The following MYRIP variants were observed in gnomAD, a reference collection of about 807,000 sequenced individuals.
MYRIP encodes myosin VIIA and Rab interacting protein, also known as rab effector MyRIP.
A neutral mutation model predicts 98.0 loss-of-function variants in MYRIP; 49 were observed. The ratio of observed to expected loss-of-function variants is 0.50; its 90% confidence interval spans 0.40 to 0.63. The LOEUF is 0.63. Among genes scored for constraint, MYRIP ranks in the 30% least tolerant of loss-of-function variants. MYRIP has a pLI of 0.00. For missense variants in MYRIP, 1,004 were observed against 1,058.2 expected (o/e 0.95, Z 0.71); for synonymous variants, 404 against 409.5 (o/e 0.99, Z 0.16).
intron 2 of MYRIP, 116 bp from the exon 3 acceptor site, chr3:40,043,934 G>T: frequency 1.2e-6 from 1 of 808,462 alleles, no homozygotes; most frequent in South Asian, 1.7e-5. Flanking sequence ...CTCCAGGAAG[G>T]TCCTACATGG....
intron 2 of MYRIP, among the ~76,000 whole-genome samples, chr3:39,999,831 G>A (rs1398821409): frequency 6.6e-6 from 1 of 152,036 alleles, no homozygotes; most frequent in Non-Finnish European, 1.5e-5. Flanking sequence ...ATACACCATG[G>A]AATACTATGC....
At chr3:39,971,901 A>G (rs1317805687) in intron 2 of MYRIP, among the ~76,000 whole-genome samples, 1 of 152,096 alleles carries the variant, frequency 6.6e-6, no homozygotes, top group Non-Finnish European at 1.5e-5. Context: ...TCTGTTGACC[A>G]TAAATCCAGT....
rs774933545 is a variant in MYRIP, at chr3:40,190,177, C to G, written c.1379C>G (p.Ala460Gly). ...AMCSDSETSSAGSSREVGHQA... is the reference protein window; with the variant it reads ...AMCSDSETSSGGSSREVGHQA... ...TGCTCTGACTCGGAGACCTCCTCCG[C>G]AGGCTCTTCCCGAGAAGTTGGGCAC... is the stretch of plus-strand genomic sequence containing the variant. Residue 460 changes from alanine to glycine, a missense_variant, in exon 10 of 17, where the codon GCA (alanine) becomes GGA (glycine). Transcript: ENST00000302541. 6.2e-7 allele frequency: 1 copy of G among 1,614,042 alleles called. No homozygotes were observed. The highest frequency in any genetic ancestry group is 1.3e-5 in the African/African-American group (1 of 74,916).
chr3:39,995,625 C>T (rs1946328012), intron 2 of MYRIP, among the ~76,000 whole-genome samples: 1 of 152,134 alleles, frequency 6.6e-6, no homozygotes, highest in African/African-American at 2.4e-5. Context: ...GGATATTATA[C>T]AGAAGAACTT....
chr3:39,970,017 A>G (rs1945542134), intron 2 of MYRIP: 1 of 152,120 alleles, frequency 6.6e-6, no homozygotes, highest in African/African-American at 2.4e-5. Context: ...AAGTCTGTTC[A>G]GGGAATCAGT....
chr3:39,834,943 T>A (rs1941576217), intron 1 of MYRIP, among the ~76,000 whole-genome samples: 1 of 152,112 alleles, frequency 6.6e-6, no homozygotes, highest in Non-Finnish European at 1.5e-5. Context: ...CATTGAATGC[T>A]AGGAGTAAAA....
rs947781101 is a variant in MYRIP, at chr3:40,259,283, A to C, written c.*1117A>C. On this transcript the variant is annotated 3_prime_UTR_variant, in exon 17 of 17. Coordinates refer to ENST00000302541, the MANE Select transcript of MYRIP (RefSeq NM_015460.4). ...TGACTATTTAGAGTGTTTATAAGAGATAATGGAACTGAACTTTCACTCAAT... is the reference window on the plus strand; with the variant it reads ...TGACTATTTAGAGTGTTTATAAGAGCTAATGGAACTGAACTTTCACTCAAT... 6.6e-6 allele frequency: 1 copy of C among 152,198 alleles called. No individual in the cohort carries two copies. The highest frequency in any genetic ancestry group is 2.4e-5 in the African/African-American group (1 of 41,452). The allele number at this position is 152,198 out of a possible 1,614,324, so 9.4% of individuals were successfully genotyped here.
chr3:39,919,905 T>C (rs771701399), intron 2 of MYRIP, among the ~76,000 whole-genome samples: 8 of 152,118 alleles, frequency 5.3e-5, no homozygotes, highest in Non-Finnish European at 1.0e-4. Flanking sequence ...AAGGGGTTCA[T>C]TGATGCTAGT....
At chr3:40,117,085 C>G (rs1486953171) in intron 3 of MYRIP, among the ~76,000 whole-genome samples, 1 of 152,168 alleles carries the variant, frequency 6.6e-6, no homozygotes, top group Non-Finnish European at 1.5e-5. Flanking sequence ...ACTGGAGCAT[C>G]CGGTGAGGCC....
intron 2 of MYRIP, among the ~76,000 whole-genome samples, chr3:40,003,619 C>G (rs1368605835): frequency 1.3e-5 from 2 of 152,150 alleles, no homozygotes; most frequent in Admixed American, 6.5e-5. Flanking sequence ...CACCTTTTCT[C>G]CATTGCAATT....
At position 40,059,263 on chromosome 3, in the gene MYRIP, A is replaced by G. The variant is rs181805210; in HGVS notation, c.332+14992A>G. Among the ~76,000 whole-genome samples, 728 of 152,304 alleles carry G rather than the reference A, an allele frequency of 4.8e-3. 2 individuals carry two copies. The highest frequency in any genetic ancestry group is 7.5e-3 in the Non-Finnish European group (510 of 68,032). On this transcript the variant is annotated intron_variant, in intron 3 of 16. Coordinates refer to ENST00000302541, the MANE Select transcript of MYRIP (RefSeq NM_015460.4). ...AACTTACGTTTGCATGTGTCTTTAT[A>G]GTAGAATGATTTCTAATCCTTTGGG...
At chr3:40,163,625 C>T (rs1950442750) in intron 5 of MYRIP, among the ~76,000 whole-genome samples, 1 of 152,184 alleles carries the variant, frequency 6.6e-6, no homozygotes, top group Admixed American at 6.5e-5. Flanking sequence ...CACCTGCCCT[C>T]AGACATCAGA....
At chr3:40,039,807 T>C (rs929840362) in intron 2 of MYRIP, among the ~76,000 whole-genome samples, 1 of 151,766 alleles carries the variant, frequency 6.6e-6, no homozygotes. Context: ...CTTAAAACAA[T>C]AAGAATGTAT....
At chr3:39,817,851 C>T (rs2125568207) in intron 1 of MYRIP, among the ~76,000 whole-genome samples, 1 of 152,170 alleles carries the variant, frequency 6.6e-6, no homozygotes, top group South Asian at 2.1e-4. Flanking sequence ...AAATGTAATA[C>T]TAATCAAAAC....
intron 1 of MYRIP, among the ~76,000 whole-genome samples, chr3:39,873,425 C>G (rs1385109656): frequency 6.6e-6 from 1 of 152,112 alleles, no homozygotes; most frequent in Admixed American, 6.6e-5. Context: ...TGCCTGTGTC[C>G]TGAATGGTAA....
At chr3:39,813,837 A>C (rs1940781753) in intron 1 of MYRIP, among the ~76,000 whole-genome samples, 2 of 152,230 alleles carry the variant, frequency 1.3e-5, no homozygotes, top group African/African-American at 4.8e-5. Flanking sequence ...CAGCGTGCCT[A>C]CTAGAGTGTG....
chr3:40,113,168 G>A (rs945560570), intron 3 of MYRIP, among the ~76,000 whole-genome samples: 8 of 152,224 alleles, frequency 5.3e-5, no homozygotes, highest in Non-Finnish European at 1.0e-4. Flanking sequence ...TTCTGAGATG[G>A]AGTTTCACTC....
intron 3 of MYRIP, among the ~76,000 whole-genome samples, chr3:40,146,543 C>T (rs1288987792): frequency 2.0e-5 from 3 of 152,212 alleles, no homozygotes; most frequent in Non-Finnish European, 2.9e-5. Context: ...CTGCTGCTGC[C>T]CCACAGCCCC....
rs1953267924 is a variant in MYRIP, at chr3:40,248,334, T to A, written c.2263-1888T>A. 4 of 152,340 alleles carry A rather than the reference T, an allele frequency of 2.6e-5. No homozygotes were observed. The South Asian group carries it at 8.3e-4, about 32-fold the overall frequency. 9.4% of individuals were successfully genotyped at this position (152,340 alleles called of 1,614,324 possible). ...GGAGAAAGCTTCTCTTAACTCCTAG[T>A]ATCAGGAAAAGCTGTTCTTCTGAGT... On this transcript the variant is annotated intron_variant, in intron 13 of 16. Transcript: ENST00000302541.
Sources: gnomAD v4.1 joint callset for allele counts (sites outside exome capture counted in the v4.1 genomes callset) on GRCh38, gnomAD v4.1.1 for gene constraint, MANE v1.5 for transcripts, NCBI Gene and HGNC (gene_info 2026-07-23, HGNC 2026-07-21) for gene names.